Variants in ROBO2 observed in about 807,000 individuals in gnomAD.
ROBO2 encodes roundabout homolog 2.
In ROBO2, 53 loss-of-function variants were observed where a neutral mutation model predicts 160.8. The observed-to-expected ratio is 0.33, with a 90% confidence interval of 0.26 to 0.41. The LOEUF is 0.41. Ranked by LOEUF, ROBO2 falls within the 10% of genes least tolerant of loss-of-function variation. The pLI, the probability that ROBO2 is intolerant of heterozygous loss-of-function variation, is 1.00. For missense variants in ROBO2, 1,577 were observed against 1,722.4 expected, an observed-to-expected ratio of 0.92 and a Z score of 1.49; for synonymous variants, 664 against 611.7, an observed-to-expected ratio of 1.09 and a Z score of -1.26.
At chr3:77,556,775 T>C (rs2093137665) in intron 8 of ROBO2, among the ~76,000 whole-genome samples, 1 of 151,932 alleles carries the variant, frequency 6.6e-6, no homozygotes, top group South Asian at 2.1e-4. Flanking sequence ...TCATTTTTTC[T>C]TTTTTGTGGA....
chr3:76,465,021 G>T (rs1228528021), intron 2 of ROBO2, among the ~76,000 whole-genome samples: 1 of 152,038 alleles, frequency 6.6e-6, no homozygotes, highest in Admixed American at 6.6e-5. Context: ...ATCAAGGGAA[G>T]GTATTCTATT....
intron 2 of ROBO2, among the ~76,000 whole-genome samples, chr3:77,193,928 A>T (rs1332445041): frequency 6.6e-6 from 1 of 151,096 alleles, no homozygotes; most frequent in Non-Finnish European, 1.5e-5. Flanking sequence ...ATAAGTATTC[A>T]TCTGTTTTTT....
At chr3:76,165,633 T>C (rs2072809304) in intron 2 of ROBO2, among the ~76,000 whole-genome samples, 2 of 152,188 alleles carry the variant, frequency 1.3e-5, no homozygotes, top group African/African-American at 4.8e-5. Flanking sequence ...CCCTTGGCTG[T>C]TGATTGCCTG....
intron 25 of ROBO2, 135 bp from the exon 28 acceptor site, chr3:77,645,919 A>G: frequency 1.8e-6 from 1 of 552,600 alleles, no homozygotes; most frequent in East Asian, 3.0e-5. Context: ...AAGTAAAATT[A>G]CTTAAATTCA....
At chr3:76,586,318 A>T (rs2086036862) in intron 2 of ROBO2, among the ~76,000 whole-genome samples, 1 of 152,186 alleles carries the variant, frequency 6.6e-6, no homozygotes, top group South Asian at 2.1e-4. Flanking sequence ...TTAATTTACA[A>T]GACTATTTTC....
chr3:76,575,408 A>G lies in ROBO2; in HGVS notation c.110-522606A>G, dbSNP rs369244980. On this transcript the variant is annotated intron_variant, in intron 2 of 26. Transcript: ENST00000487694. ...GCCCAAAATTATGTACAGAATTTTCATAATATTAAAACAACTGACCATGTA... is the reference window on the plus strand; with the variant it reads ...GCCCAAAATTATGTACAGAATTTTCGTAATATTAAAACAACTGACCATGTA... Among the ~76,000 whole-genome samples the G allele has an allele frequency of 2.8e-4, 42 of 152,200 alleles. 2 individuals carry two copies. The highest frequency in any genetic ancestry group is 2.7e-3 in the South Asian group (13 of 4,832).
chr3:77,183,810 G>A (rs1285108938), intron 2 of ROBO2, among the ~76,000 whole-genome samples: 2 of 152,012 alleles, frequency 1.3e-5, no homozygotes, highest in Non-Finnish European at 2.9e-5. Context: ...TGTTCCCAGA[G>A]TAAGCACCAA....
chr3:76,350,461 A>C (rs1482286018), intron 2 of ROBO2, among the ~76,000 whole-genome samples: 11 of 152,068 alleles, frequency 7.2e-5, no homozygotes, highest in Admixed American at 4.6e-4. Context: ...GTTTATTTCC[A>C]TTATAACCTA....
chr3:76,603,332 C>CAAAA (rs61547121), intron 2 of ROBO2, among the ~76,000 whole-genome samples: 20 of 66,504 alleles, frequency 3.0e-4, no homozygotes, highest in African/African-American at 1.5e-3. Context: ...ACTCCATCTC[C>CAAAA]AAAAAAAAAA....
At chr3:77,156,490 T>G (rs779494721) in intron 2 of ROBO2, among the ~76,000 whole-genome samples, 36 of 152,120 alleles carry the variant, frequency 2.4e-4, no homozygotes, top group Non-Finnish European at 3.7e-4. Flanking sequence ...GTTAAACCAA[T>G]TGTCATACAT....
chr3:76,268,169 C>T (rs1221394881), intron 2 of ROBO2, among the ~76,000 whole-genome samples: 3 of 150,806 alleles, frequency 2.0e-5, no homozygotes, highest in Admixed American at 6.6e-5. Context: ...ACTCAGGAGA[C>T]GGAGGTGGGA....
intron 2 of ROBO2, among the ~76,000 whole-genome samples, chr3:77,295,891 G>A (rs1326725189): frequency 1.4e-5 from 2 of 147,108 alleles, no homozygotes; most frequent in African/African-American, 5.0e-5. Context: ...AAAATTGACG[G>A]TTAAACGGGT....
Position 76,978,742 on chromosome 3 carries a change from A to G in ROBO2, c.110-119272A>G, listed in dbSNP as rs549097486. Among the ~76,000 whole-genome samples the G allele has an allele frequency of 1.1e-4, 16 of 152,192 alleles. No individual in the cohort carries two copies. In the South Asian group the frequency reaches 3.3e-3, roughly 31 times the overall value. On this transcript the variant is annotated intron_variant, in intron 2 of 26. Coordinates refer to the ROBO2 transcript ENST00000487694. Reference sequence around the variant, plus strand: ...CCTTATAATAAATAGTGGAAATAAAATATGGGTTCACCCTGCTGCAGTTCC... The same window carrying G: ...CCTTATAATAAATAGTGGAAATAAAGTATGGGTTCACCCTGCTGCAGTTCC...
At chr3:76,134,940 G>A (rs1266907288) in intron 2 of ROBO2, among the ~76,000 whole-genome samples, 1 of 152,034 alleles carries the variant, frequency 6.6e-6, no homozygotes, top group Admixed American at 6.6e-5. Context: ...CAATATGAAG[G>A]TGCTTATTTG....
At chr3:75,924,686 T>TTTC (rs972874664) in intron 1 of ROBO2, among the ~76,000 whole-genome samples, 3 of 111,538 alleles carry the variant, frequency 2.7e-5, no homozygotes, top group African/African-American at 1.0e-4. Context: ...CTTTTCTTTT[T>TTTC]TTTTTTTTTT....
At chr3:76,509,965 A>G (rs1279630211) in intron 2 of ROBO2, among the ~76,000 whole-genome samples, 1 of 151,974 alleles carries the variant, frequency 6.6e-6, no homozygotes, top group East Asian at 1.9e-4. Flanking sequence ...CAATGTCCCC[A>G]AGGCGAATAT....
intron 2 of ROBO2, among the ~76,000 whole-genome samples, chr3:77,430,358 G>T (rs886349582): frequency 4.6e-5 from 7 of 152,196 alleles, no homozygotes; most frequent in Middle Eastern, 3.4e-3. Flanking sequence ...GTGTGTTTGT[G>T]TGTTTTAGCA....
In ROBO2 at chr3:76,905,382, G is replaced by A. The variant is rs185127674; in HGVS notation, c.110-192632G>A. Reference sequence around the variant, plus strand: ...AGTCGGAAACTATCAAGGGAGACTCGTGTAGAGTTAAAGAAGGCTTATGAT... The same window carrying A: ...AGTCGGAAACTATCAAGGGAGACTCATGTAGAGTTAAAGAAGGCTTATGAT... On this transcript the variant is annotated intron_variant, in intron 2 of 26. Coordinates refer to the ROBO2 transcript ENST00000487694. 1.2e-4 allele frequency among the ~76,000 whole-genome samples: 18 copies of A among 152,232 alleles called. No homozygotes were observed. The East Asian group carries it at 1.4e-3, about 11-fold the overall frequency.
chr3:77,149,226 G>A (rs1195104462), intron 2 of ROBO2, among the ~76,000 whole-genome samples: 9 of 151,756 alleles, frequency 5.9e-5, no homozygotes, highest in African/African-American at 1.9e-4. Flanking sequence ...TAGTAGAGAC[G>A]GGGTTTCACC....
Sources: allele counts gnomAD v4.1 joint callset (sites outside exome capture counted in the v4.1 genomes callset), GRCh38; gene constraint gnomAD v4.1.1; transcripts MANE v1.5; gene names NCBI Gene and HGNC (gene_info 2026-07-23, HGNC 2026-07-21).